The following HNF4A variants were observed in gnomAD, a reference collection of about 807,000 sequenced individuals.
HNF4A encodes the protein hepatocyte nuclear factor 4 alpha, also known as hepatocyte nuclear factor 4-alpha.
In HNF4A, 15 loss-of-function variants were observed where a neutral mutation model predicts 52.4. That is an observed-to-expected ratio of 0.29 (90% CI 0.19 to 0.44). The LOEUF (loss-of-function observed/expected upper bound fraction) is 0.44, where lower values mean the gene tolerates loss of function less well. Among genes scored for constraint, HNF4A ranks in the 20% least tolerant of loss-of-function variants. The probability of loss-of-function intolerance (pLI) is 1.00; values close to 1 mark genes in which losing one functional copy is unlikely to be tolerated. For synonymous variants in HNF4A, 280 were observed against 264.4 expected (o/e 1.06, Z -0.57); for missense variants, 479 against 647.2 (o/e 0.74, Z 2.82).
intron 1 of HNF4A, among the ~76,000 whole-genome samples, chr20:44,382,346 C>A (rs533191914): frequency 6.6e-6 from 1 of 152,002 alleles, no homozygotes; most frequent in East Asian, 1.9e-4. Context: ...TCAAGCAATT[C>A]TCCTGCCTCA....
chr20:44,413,490 C>G lies in HNF4A; in HGVS notation c.386-204C>G, dbSNP rs13041396. Among the ~76,000 whole-genome samples the G allele has an allele frequency of 0.19, 28,283 of 152,006 alleles. 2,774 individuals are homozygous for G. The highest frequency in any genetic ancestry group is 0.21 in the Admixed American group (3,132 of 15,262). ...TGGGTGGATCACTCTTATAGCCTCT[C>G]CATTGTGTTGGGGGCAGTTGTGATA... On this transcript the variant is annotated intron_variant, in intron 3 of 9. Transcript: ENST00000316099.
rs528517150 is a variant in HNF4A at position 44,424,885 on chromosome 20, G to T, written c.1129+631G>T. Among the ~76,000 whole-genome samples, 12 of 152,310 alleles carry T rather than the reference G, an allele frequency of 7.9e-5. No individual in the cohort carries two copies. The South Asian group carries it at 2.5e-3, about 32-fold the overall frequency. ...TGTAGGAGGTGAAGATGGAGATTGG[G>T]CAGAAACCAAATCATAAACATATGG... is the stretch of plus-strand genomic sequence containing the variant. On this transcript the variant is annotated intron_variant, in intron 8 of 9. Transcript: ENST00000316099.
rs937822282 is a variant in HNF4A at position 44,382,281 on chromosome 20, C to T, written c.50-23777C>T. Reference sequence around the variant, plus strand: ...TTGAGACGAACTCTCGCTCTGCTGCCGGGCTAGAGTGCGGTGGCGAGATCT... The same window carrying T: ...TTGAGACGAACTCTCGCTCTGCTGCTGGGCTAGAGTGCGGTGGCGAGATCT... On this transcript the variant is annotated intron_variant, in intron 1 of 9. Transcript: ENST00000316673. Among the ~76,000 whole-genome samples the T allele has an allele frequency of 3.3e-5, 5 of 151,758 alleles. No homozygotes were observed. In the East Asian group the frequency reaches 7.8e-4, roughly 24 times the overall value.
intron 1 of HNF4A, chr20:44,402,726 G>A: frequency 3.7e-6 from 3 of 818,718 alleles, no homozygotes; most frequent in Admixed American, 2.6e-5. Context: ...AGGAGAGGGG[G>A]CAGGCAGCTG....
chr20:44,383,101 T>C (rs1600664515), intron 1 of HNF4A, among the ~76,000 whole-genome samples: 1 of 152,198 alleles, frequency 6.6e-6, no homozygotes, highest in Middle Eastern at 3.4e-3. Context: ...CCTGGAGACT[T>C]GGAGGCTGCA....
intron 1 of HNF4A, among the ~76,000 whole-genome samples, chr20:44,383,157 C>T (rs981425202): frequency 6.6e-6 from 1 of 152,038 alleles, no homozygotes; most frequent in Non-Finnish European, 1.5e-5. Flanking sequence ...GTGACAGAGA[C>T]CCTGTCTCAA....
Position 44,407,757 on chromosome 20 carries a change from T to TTG in HNF4A, c.385+316_385+317dup, listed in dbSNP as rs35406830. On this transcript the variant is annotated intron_variant, in intron 3 of 9. Transcript: ENST00000316099. ...TCTGCGCCACCACAAAGCAGCCACG[T>TTG]TGTGTGTGTGTGTGTGTGTGTGTGT... is the stretch of plus-strand genomic sequence containing the variant. Among the ~76,000 whole-genome samples, 27,617 of 145,624 alleles carry TTG rather than the reference T, an allele frequency of 0.19. 3,060 individuals carry two copies. Among genetic ancestry groups the TTG allele is most frequent in the East Asian group, 0.52 (2,523 of 4,898 alleles).
intron 5 of HNF4A, among the ~76,000 whole-genome samples, chr20:44,415,264 C>T (rs1029747080): frequency 2.6e-5 from 4 of 152,194 alleles, no homozygotes; most frequent in Non-Finnish European, 5.9e-5. Context: ...GCAAGCTGCA[C>T]AGTGGCCAGA....
At position 44,430,537 on chromosome 20, in the gene HNF4A, G is replaced by A. The variant is rs2063866040; in HGVS notation, c.*872G>A. The A allele has an allele frequency of 6.6e-6, 1 of 152,430 alleles. No individual in the cohort carries two copies. Among genetic ancestry groups the A allele is most frequent in the Non-Finnish European group, 1.5e-5 (1 of 68,112 alleles). 9.4% of individuals were successfully genotyped at this position (152,430 alleles called of 1,614,324 possible). A position where few individuals can be genotyped will look rare whatever the true frequency, so the allele number is the denominator to read the frequency against. On this transcript the variant is annotated 3_prime_UTR_variant, in exon 10 of 10. Transcript: ENST00000316099. ...TTCTGGCTGGTAGAGCAGGTGAGAT[G>A]GGACATTCCAAAGAACAGCCTGAGC...
In HNF4A at chr20:44,407,455, G is replaced by A. The variant is rs751274258; in HGVS notation, c.365G>A (p.Arg122Gln). The change falls in exon 3 of 10, where the codon CGG becomes CAG. Residue 122 changes from arginine (R) to glutamine (Q), a missense_variant. Transcript: ENST00000316099. ...TACTGCAGGCTCAAGAAATGCTTCC[G>A]GGCTGGCATGAAGAAGGAAGGTGAG... is the stretch of plus-strand genomic sequence containing the variant. 15 of 1,604,008 alleles carry A rather than the reference G, an allele frequency of 9.4e-6. No individual in the cohort carries two copies. The Admixed American group carries it at 1.2e-4, about 13-fold the overall frequency.
intron 3 of HNF4A, among the ~76,000 whole-genome samples, chr20:44,409,254 C>T (rs2146386970): frequency 6.6e-6 from 1 of 152,328 alleles, no homozygotes; most frequent in South Asian, 2.1e-4. Context: ...CTCCCAAACC[C>T]AGTTTTCAAT....
chr20:44,382,635 C>G (rs1364764976), intron 1 of HNF4A, among the ~76,000 whole-genome samples: 3 of 152,128 alleles, frequency 2.0e-5, no homozygotes, highest in African/African-American at 7.2e-5. Context: ...CATATATGCT[C>G]CTTAGGAGTA....
intron 7 of HNF4A, among the ~76,000 whole-genome samples, chr20:44,422,137 T>C (rs1001743618): frequency 3.9e-5 from 6 of 152,156 alleles, no homozygotes; most frequent in African/African-American, 1.4e-4. Flanking sequence ...CACCTGTCAA[T>C]CCCAATTTCT....
At chr20:44,397,347 T>A (rs151293702), upstream of HNF4A, among the ~76,000 whole-genome samples, 495 of 152,138 alleles carry the variant, frequency 3.3e-3, no homozygotes, top group African/African-American at 0.011. Flanking sequence ...GGAATGAAAC[T>A]TTTTATAATT....
chr20:44,361,114 C>T (rs1268098891), intron 1 of HNF4A, among the ~76,000 whole-genome samples: 1 of 152,134 alleles, frequency 6.6e-6, no homozygotes. Context: ...TATCTCCCCT[C>T]CCACATCACC....
intron 1 of HNF4A, among the ~76,000 whole-genome samples, chr20:44,356,984 G>A (rs2062865646): frequency 1.3e-5 from 2 of 152,100 alleles, no homozygotes; most frequent in South Asian, 4.2e-4. Context: ...GATCATGGTG[G>A]ATGCCGTGGG....
At chr20:44,401,097 G>GA (rs537169940), upstream of HNF4A, among the ~76,000 whole-genome samples, 18 of 152,188 alleles carry the variant, frequency 1.2e-4, 1 homozygote, top group South Asian at 3.7e-3. Flanking sequence ...CACCCCGGGT[G>GA]TCAGCCAGAA....
chr20:44,414,694 G>C, intron 5 of HNF4A, 32 bp downstream of exon 5: 1 of 1,577,192 alleles, frequency 6.3e-7, no homozygotes, highest in South Asian at 1.1e-5. Flanking sequence ...GGGCAGTAGT[G>C]GGCAGTGGGC....
In HNF4A at chr20:44,406,211, A is replaced by G. The variant is rs765133569; in HGVS notation, c.269A>G (p.Lys90Arg). Residue 90 changes from lysine to arginine, a missense_variant, in exon 2 of 10, where the codon AAG becomes AGG. By Grantham distance (26) the Lys-to-Arg change is conservative (BLOSUM62 2). Transcript: ENST00000316099. ...GGCTTCTTCCGGAGGAGCGTGCGGA[A>G]GAACCACATGTACTCCTGCAGGTGA... 8.1e-6 allele frequency: 13 copies of G among 1,613,748 alleles called. No homozygotes were observed. Among genetic ancestry groups the G allele is most frequent in the Non-Finnish European group, 1.1e-5 (13 of 1,180,018 alleles).
Sources: allele counts gnomAD v4.1 joint callset (sites outside exome capture counted in the v4.1 genomes callset), GRCh38; gene constraint gnomAD v4.1.1; transcripts MANE v1.5; gene names NCBI Gene and HGNC (gene_info 2026-07-23, HGNC 2026-07-21).